DIPK2A: variants seen among roughly 807,000 people sequenced by gnomAD.
DIPK2A encodes divergent protein kinase domain 2A, also known as Golgi Protein of 49 kDa.
Under a neutral mutation model 39.0 loss-of-function variants are expected in DIPK2A, and 27 were observed. The ratio of observed to expected loss-of-function variants is 0.69; its 90% confidence interval spans 0.51 to 0.96. The LOEUF (loss-of-function observed/expected upper bound fraction) is 0.96, where lower values mean the gene tolerates loss of function less well. Among genes scored for constraint, DIPK2A ranks in the 40% least tolerant of loss-of-function variants. DIPK2A has a pLI of 0.00. For synonymous variants in DIPK2A, 298 were observed against 240.8 expected (o/e 1.24, Z -2.20); for missense variants, 528 against 571.3 (o/e 0.92, Z 0.77).
At chr3:143,977,799 T>C (rs1576807119) in intron 1 of DIPK2A, among the ~76,000 whole-genome samples, 1 of 152,088 alleles carries the variant, frequency 6.6e-6, no homozygotes, top group East Asian at 1.9e-4. Context: ...ACAAAAATAA[T>C]AAAACAATTT....
intron 1 of DIPK2A, among the ~76,000 whole-genome samples, chr3:143,980,397 A>G (rs930497388): frequency 5.3e-5 from 8 of 152,078 alleles, no homozygotes; most frequent in African/African-American, 1.9e-4. Context: ...CCTCCCGAGT[A>G]GCTGGGATTA....
chr3:143,972,411 C>G lies in DIPK2A; in HGVS notation c.79C>G (p.Leu27Val), dbSNP rs771395903. The part of the protein sequence containing the change: ...KLAALGSLLV[L>V]MVLHSPSLLA... ...GGCGGCGCTGGGCAGCCTGTTGGTG[C>G]TGATGGTGCTGCACTCGCCGTCGCT... The change falls in exon 1 of 3, where the codon CTG (leucine) becomes GTG (valine). Residue 27 changes from leucine (L) to valine (V), a missense_variant. Physicochemically the swap from Leu to Val is conservative, Grantham distance 32. Transcript: ENST00000315691. The G allele has an allele frequency of 3.3e-6, 5 of 1,521,494 alleles. No individual in the cohort carries two copies. In the East Asian group the frequency reaches 9.7e-5, roughly 29 times the overall value. 94.2% of individuals were successfully genotyped at this position (1,521,494 alleles called of 1,614,324 possible). A position where few individuals can be genotyped will look rare whatever the true frequency, so the allele number is the denominator to read the frequency against.
chr3:143,985,986 C>G (rs1177007388), intron 2 of DIPK2A, 140 bp downstream of exon 2: 2 of 639,682 alleles, frequency 3.1e-6, no homozygotes, highest in Non-Finnish European at 5.3e-6. Context: ...TGACCACTGT[C>G]AATAAACAAA....
rs571800847 is a variant in DIPK2A at position 143,979,888 on chromosome 3, G to T, written c.658-5655G>T. On this transcript the variant is annotated intron_variant, in intron 1 of 2. Transcript: ENST00000315691. ...GTTTAATATTGTTGGAATTTGAGGT[G>T]GGTGGAAAATGGCATTCAGAAAATT... 2.6e-5 allele frequency among the ~76,000 whole-genome samples: 4 copies of T among 152,224 alleles called. No individual in the cohort carries two copies. In the East Asian group the frequency reaches 7.7e-4, roughly 29 times the overall value.
In DIPK2A at chr3:143,985,855, A is replaced by G. The variant is rs776096245; in HGVS notation, c.961+9A>G. ...AAGATTAATTAGACAAAGTAAGTAT[A>G]TAATTTTAGATTTTTTTCTACTCAT... On this transcript the variant is annotated intron_variant, in intron 2 of 2. Transcript: ENST00000315691. The G allele has an allele frequency of 1.3e-6, 2 of 1,576,242 alleles. No individual in the cohort carries two copies. The highest frequency in any genetic ancestry group is 1.9e-5 in the Admixed American group (1 of 53,428).
chr3:143,978,308 C>CTT (rs1383257610), intron 1 of DIPK2A, among the ~76,000 whole-genome samples: 3 of 151,862 alleles, frequency 2.0e-5, no homozygotes, highest in African/African-American at 7.3e-5. Context: ...ATTTGATGAA[C>CTT]TTTAGTAAAT....
At chr3:143,973,394 C>T (rs976927674) in intron 1 of DIPK2A, 3 of 1,549,376 alleles carry the variant, frequency 1.9e-6, no homozygotes, top group South Asian at 2.4e-5. Context: ...TTTCCTAGTT[C>T]TTCTGAAGTG....
chr3:143,981,515 T>G (rs1000282858), intron 1 of DIPK2A, among the ~76,000 whole-genome samples: 1 of 152,210 alleles, frequency 6.6e-6, no homozygotes, highest in East Asian at 1.9e-4. Flanking sequence ...ACTCATCCTT[T>G]AGGTCTCAGC....
chr3:143,986,771 A>AGTT (rs1236583991), intron 2 of DIPK2A, among the ~76,000 whole-genome samples: 1 of 152,034 alleles, frequency 6.6e-6, no homozygotes, highest in Non-Finnish European at 1.5e-5. Flanking sequence ...ATGCCATAGA[A>AGTT]GTTGTAAAGC....
chr3:143,973,321 T>C (rs2087685548), intron 1 of DIPK2A: 1 of 1,538,256 alleles, frequency 6.5e-7, no homozygotes, highest in African/African-American at 1.4e-5. Context: ...TACCCTGCCT[T>C]TCTGCTTTTA....
intron 1 of DIPK2A, among the ~76,000 whole-genome samples, chr3:143,980,565 G>A (rs2087813549): frequency 6.6e-6 from 1 of 151,916 alleles, no homozygotes; most frequent in Non-Finnish European, 1.5e-5. Context: ...ACCGCGCCTG[G>A]CCCCTTTAAG....
At position 143,990,297 on chromosome 3, in the gene DIPK2A, C is replaced by A. The variant is rs918570705; in HGVS notation, c.*456C>A. 1 of 151,650 alleles carries A rather than the reference C, an allele frequency of 6.6e-6. No homozygotes were observed. The highest frequency in any genetic ancestry group is 2.4e-5 in the African/African-American group (1 of 40,996). The allele number at this position is 151,650 out of a possible 1,614,324, so 9.4% of individuals were successfully genotyped here. ...CCTTCTGATGTGTAGGGTTTTTTCCCCCTTTTTTTTTTTAATTAAATTTTG... is the reference window on the plus strand; with the variant it reads ...CCTTCTGATGTGTAGGGTTTTTTCCACCTTTTTTTTTTTAATTAAATTTTG... On this transcript the variant is annotated 3_prime_UTR_variant, in exon 3 of 3. Transcript: ENST00000315691.
At chr3:143,989,220 A>G (rs1190499542) in intron 2 of DIPK2A, among the ~76,000 whole-genome samples, 2 of 152,118 alleles carry the variant, frequency 1.3e-5, no homozygotes, top group Non-Finnish European at 2.9e-5. Flanking sequence ...ATTCCCCACT[A>G]TTCCTGTAGC....
Position 143,989,917 on chromosome 3 carries a change from A to C in DIPK2A, c.*76A>C. The C allele has an allele frequency of 8.6e-7, 1 of 1,165,314 alleles. No homozygotes were observed. The highest frequency in any genetic ancestry group is 1.5e-5 in the South Asian group (1 of 65,168). 72.2% of individuals were successfully genotyped at this position (1,165,314 alleles called of 1,614,324 possible). A position where few individuals can be genotyped will look rare whatever the true frequency, so the allele number is the denominator to read the frequency against. On this transcript the variant is annotated 3_prime_UTR_variant, in exon 3 of 3. Transcript: ENST00000315691. ...CTAAACCACCAAAAAACGATCTGAA[A>C]AAATGAAATTTGGAAGTGTTACATT...
chr3:143,973,438 C>G (rs542330780), intron 1 of DIPK2A: 6 of 1,551,068 alleles, frequency 3.9e-6, no homozygotes, highest in Non-Finnish European at 5.2e-6. Context: ...TTTTCTGGCG[C>G]TGGTGGCTGG....
chr3:143,983,316 C>T (rs2087851681), intron 1 of DIPK2A, among the ~76,000 whole-genome samples: 1 of 152,020 alleles, frequency 6.6e-6, no homozygotes, highest in African/African-American at 2.4e-5. Context: ...TAGTAAAACA[C>T]TCCTCAGCAA....
At chr3:143,986,880 TC>T (rs869126618) in intron 2 of DIPK2A, among the ~76,000 whole-genome samples, 2 of 131,740 alleles carry the variant, frequency 1.5e-5, no homozygotes, top group African/African-American at 2.9e-5. Context: ...ATCCCCTCTT[TC>T]CCCCTGATAA....
chr3:143,973,390 A>G (rs2087686291), intron 1 of DIPK2A: 16 of 1,548,678 alleles, frequency 1.0e-5, no homozygotes, highest in South Asian at 9.6e-5. Flanking sequence ...GACCTTTCCT[A>G]GTTCTTCTGA....
intron 1 of DIPK2A, among the ~76,000 whole-genome samples, chr3:143,983,822 T>C (rs1576811284): frequency 6.9e-6 from 1 of 144,844 alleles, no homozygotes; most frequent in Admixed American, 6.7e-5. Context: ...ACAAACTGTT[T>C]TGTATTGGGA....
Sources: gnomAD v4.1 joint callset for allele counts (sites outside exome capture counted in the v4.1 genomes callset) on GRCh38, gnomAD v4.1.1 for gene constraint, MANE v1.5 for transcripts, NCBI Gene and HGNC (gene_info 2026-07-23, HGNC 2026-07-21) for gene names.